GSE1: variants seen among roughly 807,000 people sequenced by gnomAD.
GSE1 encodes genetic suppressor element 1.
A neutral mutation model predicts 112.6 loss-of-function variants in GSE1; 32 were observed. The observed-to-expected ratio is 0.28, with a 90% CI of 0.21 to 0.38. GSE1 has a LOEUF of 0.38. GSE1 is among the 10% of genes least tolerant of loss of function. The pLI, the probability that GSE1 is intolerant of heterozygous loss-of-function variation, is 1.00. For missense variants in GSE1, 2,348 were observed against 1,699.2 expected (o/e 1.38, Z -6.71); for synonymous variants, 1,115 against 735.6 (o/e 1.52, Z -8.35).
At chr16:85,621,733 G>A (rs1254972371) in intron 1 of GSE1, among the ~76,000 whole-genome samples, 2 of 152,176 alleles carry the variant, frequency 1.3e-5, no homozygotes, top group African/African-American at 4.8e-5. Context: ...AGTGGACCCT[G>A]GGGTTTTGTG....
intron 13 of GSE1, 74 bp downstream of exon 13, chr16:85,666,421 T>A: frequency 6.8e-7 from 1 of 1,470,592 alleles, no homozygotes; most frequent in Non-Finnish European, 9.5e-7. Context: ...GCGCCACAGC[T>A]GCTCAGCCGT....
At chr16:85,648,858 A>AC (rs1598571708) in intron 3 of GSE1, 107 bp downstream of exon 3, 3 of 574,586 alleles carry the variant, frequency 5.2e-6, no homozygotes, top group East Asian at 3.3e-5. Flanking sequence ...CATTCCAGAC[A>AC]CCCCCTCCCC....
upstream of GSE1, among the ~76,000 whole-genome samples, chr16:85,551,885 A>G (rs1289219700): frequency 6.6e-6 from 1 of 152,242 alleles, no homozygotes; most frequent in Non-Finnish European, 1.5e-5. Context: ...ACTAGGAAGC[A>G]AAGATCAGCC....
rs528512825 is a variant in GSE1 at position 85,369,365 on chromosome 16, C to T, written c.2464+11722C>T. ...CCAAGTAGCTGGGATTACAGACATG[C>T]GACACCATTCCTGCTTAATGTTTGT... On this transcript the variant is annotated intron_variant, in intron 2 of 2. Transcript: ENST00000637419. Among the ~76,000 whole-genome samples the T allele has an allele frequency of 2.8e-4, 43 of 151,412 alleles. 1 individual carries two copies. The South Asian group carries it at 7.6e-3, about 27-fold the overall frequency.
chr16:85,503,546 A>G lies in GSE1; in HGVS notation c.2465-130368A>G, dbSNP rs1172597172. 5.9e-5 allele frequency among the ~76,000 whole-genome samples: 9 copies of G among 152,298 alleles called. No homozygotes were observed. In the East Asian group the frequency reaches 1.7e-3, roughly 29 times the overall value. On this transcript the variant is annotated intron_variant, in intron 2 of 2. Transcript: ENST00000637419. ...GGGGCCTCTGGCCCTGCTGGTAATT[A>G]CGGCCCACGGAGCTCTGATTGCCGC...
intron 2 of GSE1, chr16:85,490,718 A>G (rs143206936): frequency 1.3e-5 from 2 of 152,324 alleles, no homozygotes; most frequent in African/African-American, 2.4e-5. Context: ...TCGGAGCACC[A>G]TGTCCGTCAA....
In GSE1 at chr16:85,373,807, G is replaced by A. The variant is rs1296837730; in HGVS notation, c.2464+16164G>A. ...GATCCCCGAGGCAGCCCAGGGCAGGGTGATTGTGCTCCTGCCCCACGGTGC... is the reference window on the plus strand; with the variant it reads ...GATCCCCGAGGCAGCCCAGGGCAGGATGATTGTGCTCCTGCCCCACGGTGC... On this transcript the variant is annotated intron_variant, in intron 2 of 2. Transcript: ENST00000637419. The surrounding 1 kb of genome is among the most constrained non-coding windows in gnomAD (Gnocchi z 5.1). Among the ~76,000 whole-genome samples, 1 of 152,178 alleles carries A rather than the reference G, an allele frequency of 6.6e-6. No homozygotes were observed. The highest frequency in any genetic ancestry group is 1.5e-5 in the Non-Finnish European group (1 of 68,016).
upstream of GSE1, chr16:85,611,486 G>A (rs2047979814): frequency 3.0e-6 from 3 of 985,042 alleles, no homozygotes; most frequent in Non-Finnish European, 2.4e-6. Flanking sequence ...GGTCGTGCGG[G>A]GAAGCAGCAC....
chr16:85,338,656 C>T (rs1286674670), intron 1 of GSE1, among the ~76,000 whole-genome samples: 1 of 152,164 alleles, frequency 6.6e-6, no homozygotes, highest in African/African-American at 2.4e-5. Flanking sequence ...TCCAGCGGCT[C>T]CTAAAGGCCC....
At position 85,621,251 on chromosome 16, in the gene GSE1, C is replaced by T. The variant is rs772044108; in HGVS notation, c.7+7853C>T. Among the ~76,000 whole-genome samples, 5 of 151,536 alleles carry T rather than the reference C, an allele frequency of 3.3e-5. No homozygotes were observed. In the East Asian group the frequency reaches 7.7e-4, roughly 23 times the overall value. ...GTTGGGGAACCCGTTTAGATGGTTT[C>T]GGCCCTGGGTCTGTGCTCTGTTGGG... is the stretch of plus-strand genomic sequence containing the variant. On this transcript the variant is annotated intron_variant, in intron 1 of 15. Coordinates refer to ENST00000253458, the MANE Select transcript of GSE1 (RefSeq NM_014615.5).
chr16:85,495,077 G>A (rs560179709), intron 2 of GSE1, among the ~76,000 whole-genome samples: 46 of 152,282 alleles, frequency 3.0e-4, no homozygotes, highest in South Asian at 8.3e-4. Flanking sequence ...GATCATGCTG[G>A]GCTGTTTCCA....
chr16:85,334,000 C>T (rs945890578), intron 1 of GSE1, among the ~76,000 whole-genome samples: 8 of 152,244 alleles, frequency 5.3e-5, no homozygotes, highest in Non-Finnish European at 1.0e-4. Flanking sequence ...TCCCCGTCAG[C>T]CTCGGGATCA....
intron 1 of GSE1, among the ~76,000 whole-genome samples, chr16:85,204,843 C>T (rs527560633): frequency 6.6e-6 from 1 of 152,330 alleles, no homozygotes; most frequent in East Asian, 1.9e-4. Context: ...GCCAAGGGTG[C>T]TGTGTGCTCA....
At position 85,387,181 on chromosome 16, in the gene GSE1, G is replaced by A. The variant is rs566686897; in HGVS notation, c.2464+29538G>A. Among the ~76,000 whole-genome samples, 57 of 152,238 alleles carry A rather than the reference G, an allele frequency of 3.7e-4. No homozygotes were observed. In the South Asian group the frequency reaches 8.9e-3, roughly 24 times the overall value. ...TCCAGCACAGGGTGCTGTGCACAAC[G>A]GACACCGGGCCTAAGGAGGGTGGTG... On this transcript the variant is annotated intron_variant, in intron 2 of 2. Coordinates refer to the GSE1 transcript ENST00000637419.
At chr16:85,614,884 G>T (rs1305569027) in intron 1 of GSE1, among the ~76,000 whole-genome samples, 1 of 152,194 alleles carries the variant, frequency 6.6e-6, no homozygotes, top group Non-Finnish European at 1.5e-5. Flanking sequence ...CTGAACAAAA[G>T]GCCCAGCCGC....
chr16:85,433,040 G>A (rs2049158249), intron 2 of GSE1, among the ~76,000 whole-genome samples: 1 of 151,880 alleles, frequency 6.6e-6, no homozygotes, highest in African/African-American at 2.4e-5. Flanking sequence ...ATCAGGTGAT[G>A]ATAAGTCCCC....
intron 1 of GSE1, among the ~76,000 whole-genome samples, chr16:85,355,215 A>G (rs1356520849): frequency 6.6e-6 from 1 of 151,940 alleles, no homozygotes; most frequent in Non-Finnish European, 1.5e-5. Context: ...TATAGCACTA[A>G]TCCCTAAAAG....
intron 1 of GSE1, among the ~76,000 whole-genome samples, chr16:85,571,157 T>C (rs1054074236): frequency 6.6e-6 from 1 of 152,180 alleles, no homozygotes; most frequent in African/African-American, 2.4e-5. Context: ...TCTGCCTTTC[T>C]AACAAGGCAC....
chr16:85,567,603 G>A (rs960372537), intron 1 of GSE1, among the ~76,000 whole-genome samples: 7 of 152,102 alleles, frequency 4.6e-5, no homozygotes, highest in African/African-American at 1.7e-4. Context: ...GCTCACAAGC[G>A]GAAAGCTGCA....
Sources: gnomAD v4.1 joint callset for allele counts (sites outside exome capture counted in the v4.1 genomes callset) on GRCh38, gnomAD v4.1.1 for gene constraint, Gnocchi (gnomAD v3.1) non-coding constraint, MANE v1.5 for transcripts, NCBI Gene and HGNC (gene_info 2026-07-23, HGNC 2026-07-21) for gene names.